PARP8: variants seen among roughly 807,000 people sequenced by gnomAD.
The protein encoded by PARP8 is poly(ADP-ribose) polymerase family member 8, also known as protein mono-ADP-ribosyltransferase PARP8.
A neutral mutation model predicts 124.1 loss-of-function variants in PARP8; 51 were observed. The observed-to-expected ratio is 0.41, with a 90% confidence interval of 0.33 to 0.52. The LOEUF is 0.52. Ranked by LOEUF, PARP8 falls within the 20% of genes least tolerant of loss-of-function variation. The pLI is 0.21. For missense variants in PARP8, 860 were observed against 1,018.9 expected, an observed-to-expected ratio of 0.84 and a Z score of 2.12; for synonymous variants, 391 against 361.5, an observed-to-expected ratio of 1.08 and a Z score of -0.93.
At chr5:50,832,681 A>G in intron 22 of PARP8, 100 bp from the exon 23 acceptor site, 3 of 1,190,856 alleles carry the variant, frequency 2.5e-6, no homozygotes, top group Non-Finnish European at 3.7e-6. Context: ...AATGTGATCA[A>G]ACCTTTACCT....
At chr5:50,675,471 AT>A (rs1488844774) in intron 2 of PARP8, among the ~76,000 whole-genome samples, 1 of 152,156 alleles carries the variant, frequency 6.6e-6, no homozygotes, top group East Asian at 1.9e-4. Flanking sequence ...CGGCCGGCTA[AT>A]TTTTTTGTAT....
intron 2 of PARP8, among the ~76,000 whole-genome samples, chr5:50,692,377 A>T (rs758193238): frequency 6.6e-6 from 1 of 152,160 alleles, no homozygotes; most frequent in Non-Finnish European, 1.5e-5. Flanking sequence ...AAAATTAAAC[A>T]TCTCCTCTAG....
chr5:50,742,513 G>A (rs1341094342), intron 2 of PARP8, among the ~76,000 whole-genome samples: 1 of 152,138 alleles, frequency 6.6e-6, no homozygotes, highest in Admixed American at 6.5e-5. Context: ...ACAGAATAAA[G>A]GGAATGCCTT....
At chr5:50,678,508 T>C (rs1232224269) in intron 2 of PARP8, among the ~76,000 whole-genome samples, 6 of 152,202 alleles carry the variant, frequency 3.9e-5, no homozygotes, top group Non-Finnish European at 7.4e-5. Flanking sequence ...TTGCTATAAA[T>C]GTATCTTCAT....
intron 22 of PARP8, among the ~76,000 whole-genome samples, chr5:50,831,731 T>C (rs1298003338): frequency 6.6e-6 from 1 of 152,134 alleles, no homozygotes; most frequent in African/African-American, 2.4e-5. Flanking sequence ...CTTCAATGGG[T>C]ACATGGAAAG....
intron 2 of PARP8, among the ~76,000 whole-genome samples, chr5:50,690,780 T>C (rs1467355135): frequency 6.6e-6 from 1 of 152,124 alleles, no homozygotes. Context: ...AGCCAAACCC[T>C]CATATATCAG....
At chr5:50,790,848 A>G (rs1286051503) in intron 10 of PARP8, among the ~76,000 whole-genome samples, 3 of 152,142 alleles carry the variant, frequency 2.0e-5, no homozygotes, top group Admixed American at 1.3e-4. Flanking sequence ...AGCTATGTGG[A>G]AAGTTTGTTA....
intron 2 of PARP8, among the ~76,000 whole-genome samples, chr5:50,716,297 C>A (rs1755310227): frequency 6.6e-6 from 1 of 152,058 alleles, no homozygotes; most frequent in African/African-American, 2.4e-5. Flanking sequence ...TATCAGAGAA[C>A]AAAGTTCCAA....
intron 2 of PARP8, among the ~76,000 whole-genome samples, chr5:50,681,318 T>C (rs995375938): frequency 6.6e-6 from 1 of 152,044 alleles, no homozygotes; most frequent in Admixed American, 6.6e-5. Flanking sequence ...GTTTTTTGGA[T>C]TTTTTGGCCC....
chr5:50,778,502 T>A, intron 8 of PARP8, 58 bp from the exon 9 acceptor site: 1 of 1,427,216 alleles, frequency 7.0e-7, no homozygotes, highest in Non-Finnish European at 9.6e-7. Flanking sequence ...TGTGTGTTTT[T>A]TTTTTCATTT....
intron 2 of PARP8, among the ~76,000 whole-genome samples, chr5:50,706,227 T>C (rs936504456): frequency 6.6e-6 from 1 of 152,146 alleles, no homozygotes; most frequent in Admixed American, 6.6e-5. Context: ...AGTTTGGGTT[T>C]TTTTCAGTTT....
intron 2 of PARP8, among the ~76,000 whole-genome samples, chr5:50,706,425 CT>C (rs1287308237): frequency 1.3e-5 from 2 of 151,886 alleles, no homozygotes; most frequent in African/African-American, 4.8e-5. Context: ...ATTTAATTCT[CT>C]TCCTGTCCCA....
rs538936306 is a variant in PARP8, at chr5:50,758,727, T to C, written c.185-916T>C. On this transcript the variant is annotated intron_variant, in intron 3 of 25. Coordinates refer to ENST00000281631, the MANE Select transcript of PARP8 (RefSeq NM_024615.4). ...ATTGATGAAGTGTGGGTCAAAAAGC[T>C]CTTCTGAGAGATGCCCTGCAATCAT... is the stretch of plus-strand genomic sequence containing the variant. 2.0e-5 allele frequency among the ~76,000 whole-genome samples: 3 copies of C among 152,206 alleles called. No homozygotes were observed. In the South Asian group the frequency reaches 6.2e-4, roughly 32 times the overall value.
At chr5:50,685,211 T>C (rs1433450130) in intron 2 of PARP8, among the ~76,000 whole-genome samples, 1 of 152,206 alleles carries the variant, frequency 6.6e-6, no homozygotes, top group Non-Finnish European at 1.5e-5. Flanking sequence ...CAGGATGCCT[T>C]CATTTGCTAA....
At chr5:50,828,729 T>TTA (rs60312448) in intron 21 of PARP8, among the ~76,000 whole-genome samples, 4,009 of 146,066 alleles carry the variant, frequency 0.027, 175 homozygotes, top group African/African-American at 0.09. Flanking sequence ...AAAATACAAA[T>TTA]TATATATATA....
At chr5:50,772,305 A>G (rs768070560) in intron 7 of PARP8, among the ~76,000 whole-genome samples, 6 of 152,212 alleles carry the variant, frequency 3.9e-5, no homozygotes, top group Non-Finnish European at 8.8e-5. Context: ...TAGTGTTGCA[A>G]TATACATGGG....
intron 2 of PARP8, chr5:50,739,075 G>T: frequency 1.4e-6 from 1 of 702,466 alleles, no homozygotes; most frequent in South Asian, 1.5e-5. Context: ...AGGAGCAAGA[G>T]ACTTCCCACA....
chr5:50,670,317 C>T (rs1419190229), intron 2 of PARP8, among the ~76,000 whole-genome samples: 2 of 152,072 alleles, frequency 1.3e-5, no homozygotes, highest in Admixed American at 1.3e-4. Context: ...ATTTAACTAC[C>T]ATTTCATCTA....
intron 2 of PARP8, among the ~76,000 whole-genome samples, chr5:50,692,187 G>A (rs78305374): frequency 0.044 from 6,619 of 152,082 alleles, 461 homozygotes; most frequent in African/African-American, 0.15. Context: ...TCTATTGACC[G>A]CAGAGTGAAA....
Sources: allele counts gnomAD v4.1 joint callset (sites outside exome capture counted in the v4.1 genomes callset), GRCh38; gene constraint gnomAD v4.1.1; transcripts MANE v1.5; gene names NCBI Gene and HGNC (gene_info 2026-07-23, HGNC 2026-07-21).